The following RIMBP2 variants were observed in gnomAD, a reference collection of about 807,000 sequenced individuals.
The protein encoded by RIMBP2 is RIMS-binding protein 2.
In RIMBP2, 48 loss-of-function variants were observed where a neutral mutation model predicts 118.6. The ratio of observed to expected loss-of-function variants is 0.40; its 90% CI spans 0.32 to 0.51. RIMBP2 has a LOEUF of 0.51. RIMBP2 is among the 20% of genes least tolerant of loss of function. RIMBP2 has a pLI of 0.41. For synonymous variants in RIMBP2, 762 were observed against 742.9 expected (o/e 1.03, Z -0.42); for missense variants, 1,551 against 1,768.3 (o/e 0.88, Z 2.20).
At chr12:130,490,056 G>A (rs542232127) in intron 4 of RIMBP2, among the ~76,000 whole-genome samples, 140 of 150,628 alleles carry the variant, frequency 9.3e-4, no homozygotes, top group African/African-American at 3.1e-3. Context: ...CCCGGGAGGC[G>A]GAGGTTGCAG....
At chr12:130,433,655 A>T (rs1011073210) in intron 14 of RIMBP2, among the ~76,000 whole-genome samples, 2 of 152,146 alleles carry the variant, frequency 1.3e-5, no homozygotes, top group Admixed American at 6.6e-5. Flanking sequence ...GCTCAGCGAG[A>T]TGTCATAGAA....
chr12:130,548,287 T>C (rs1459268593), intron 2 of RIMBP2, among the ~76,000 whole-genome samples: 1 of 152,172 alleles, frequency 6.6e-6, no homozygotes, highest in East Asian at 1.9e-4. Flanking sequence ...CCCGTATCTC[T>C]CTAATTTCTC....
At chr12:130,548,263 C>G (rs770107578) in intron 2 of RIMBP2, among the ~76,000 whole-genome samples, 6 of 152,188 alleles carry the variant, frequency 3.9e-5, no homozygotes, top group Non-Finnish European at 7.3e-5. Context: ...AACTGAGGCA[C>G]AGAGTTCTGA....
At chr12:130,715,881 G>C (rs554095489) in intron 1 of RIMBP2, among the ~76,000 whole-genome samples, 49 of 152,188 alleles carry the variant, frequency 3.2e-4, no homozygotes, top group African/African-American at 1.1e-3. Context: ...TTGCCTGGAG[G>C]GGCCTTTCTT....
chr12:130,419,349 AG>A lies in RIMBP2; in HGVS notation c.3238+3103del, dbSNP rs2076282293. On this transcript the variant is annotated intron_variant, in intron 17 of 22. Transcript: ENST00000690449. This position sits in a 1 kb window ranked among gnomAD's most constrained non-coding sequence, Gnocchi z 4.3. ...GGGTGTGCATATCGTGTGGGAGATC[AG>A]GGCTCATGCCTGGACGCCTGGGTGG... Among the ~76,000 whole-genome samples the A allele has an allele frequency of 6.6e-6, 1 of 152,196 alleles. No homozygotes were observed. Among genetic ancestry groups the A allele is most frequent in the Non-Finnish European group, 1.5e-5 (1 of 68,044 alleles).
chr12:130,495,046 CTCT>C (rs58041118), intron 4 of RIMBP2, among the ~76,000 whole-genome samples: 63,115 of 151,906 alleles, frequency 0.42, 14,097 homozygotes, highest in East Asian at 0.74. Context: ...GTCTCTGTGC[CTCT>C]TCTTCTTATA....
chr12:130,543,333 C>T (rs2054781790), intron 2 of RIMBP2, among the ~76,000 whole-genome samples: 1 of 152,180 alleles, frequency 6.6e-6, no homozygotes, highest in Non-Finnish European at 1.5e-5. Context: ...CCAAATATGG[C>T]CACTTCTTTG....
intron 4 of RIMBP2, among the ~76,000 whole-genome samples, chr12:130,503,601 C>T (rs2050017218): frequency 1.3e-5 from 2 of 152,194 alleles, no homozygotes; most frequent in Non-Finnish European, 2.9e-5. Context: ...TGAAAATGTT[C>T]CTGACAACCA....
In RIMBP2 at chr12:130,683,012, G is replaced by T. The variant is rs183431774; in HGVS notation, c.-352+33210C>A. Among the ~76,000 whole-genome samples, 2 of 152,302 alleles carry T rather than the reference G, an allele frequency of 1.3e-5. No individual in the cohort carries two copies. Among genetic ancestry groups the T allele is most frequent in the East Asian group, 3.9e-4 (2 of 5,184 alleles). ...TCTAATTATGTCGGAGGCGCACTAT[G>T]TCTCATTCTTTTATCTTTAAGGTGA... On this transcript the variant is annotated intron_variant, in intron 1 of 22. Coordinates refer to ENST00000690449, the MANE Select transcript of RIMBP2 (RefSeq NM_001393629.1). The surrounding 1 kb of genome is among the most constrained non-coding windows in gnomAD (Gnocchi z 4.4).
At chr12:130,524,114 G>T in intron 2 of RIMBP2, among the ~76,000 whole-genome samples, 1 of 152,176 alleles carries the variant, frequency 6.6e-6, no homozygotes, top group East Asian at 1.9e-4. Context: ...CCCAGCCCTG[G>T]AGATGGACAC....
At chr12:130,504,505 G>A (rs1400021920) in intron 4 of RIMBP2, among the ~76,000 whole-genome samples, 6 of 152,064 alleles carry the variant, frequency 3.9e-5, no homozygotes, top group African/African-American at 1.2e-4. Context: ...ATGCTGCATC[G>A]CCGGCTTTGA....
chr12:130,465,026 T>C (rs2080330325), intron 6 of RIMBP2: 1 of 152,282 alleles, frequency 6.6e-6, no homozygotes. Flanking sequence ...TACTCATCTT[T>C]ATTCCACAAT....
At chr12:130,634,082 G>C (rs969127774) in intron 1 of RIMBP2, among the ~76,000 whole-genome samples, 1 of 152,188 alleles carries the variant, frequency 6.6e-6, no homozygotes, top group African/African-American at 2.4e-5. Flanking sequence ...AGCACCCAGC[G>C]TTCAGAGCCA....
intron 7 of RIMBP2, among the ~76,000 whole-genome samples, chr12:130,453,696 A>C (rs1199216502): frequency 2.0e-5 from 3 of 152,216 alleles, no homozygotes; most frequent in Non-Finnish European, 2.9e-5. Context: ...GGGGCTGTTG[A>C]TCGAAGGGCA....
chr12:130,557,993 G>A (rs1182287518), intron 2 of RIMBP2, among the ~76,000 whole-genome samples: 20 of 152,176 alleles, frequency 1.3e-4, no homozygotes, highest in Admixed American at 1.3e-3. Flanking sequence ...TCATTGTGTT[G>A]CAGAAGGAAA....
rs1268434479 is a variant in RIMBP2 at position 130,646,095 on chromosome 12, C to T, written c.-351-17639G>A. Among the ~76,000 whole-genome samples the T allele has an allele frequency of 4.3e-4, 51 of 119,536 alleles. 1 individual carries two copies. Among genetic ancestry groups the T allele is most frequent in the South Asian group, 2.6e-3 (10 of 3,876 alleles). 78.4% of individuals were successfully genotyped at this position (119,536 alleles called of 152,430 possible). ...TCCACCTCCCTCACCACTTCCCTCT[C>T]CACCTCCCTCTCCACCTCCCTCACC... On this transcript the variant is annotated intron_variant, in intron 1 of 22. Coordinates refer to ENST00000690449, the MANE Select transcript of RIMBP2 (RefSeq NM_001393629.1).
chr12:130,688,745 G>C lies in RIMBP2; in HGVS notation c.-352+27477C>G, dbSNP rs900555802. 2.0e-5 allele frequency among the ~76,000 whole-genome samples: 3 copies of C among 152,324 alleles called. No homozygotes were observed. In the South Asian group the frequency reaches 6.2e-4, roughly 32 times the overall value. On this transcript the variant is annotated intron_variant, in intron 1 of 22. Transcript: ENST00000690449. This position sits in a 1 kb window ranked among gnomAD's most constrained non-coding sequence, Gnocchi z 4.7. ...AAAACAGAGGCCACATGGCCCCCTTGGGGCTCATACAGAGACACAGAACCA... is the reference window on the plus strand; with the variant it reads ...AAAACAGAGGCCACATGGCCCCCTTCGGGCTCATACAGAGACACAGAACCA...
intron 2 of RIMBP2, among the ~76,000 whole-genome samples, chr12:130,609,449 C>A (rs1439108517): frequency 1.5e-5 from 2 of 130,104 alleles, no homozygotes; most frequent in East Asian, 3.9e-4. Flanking sequence ...GACCCCGACC[C>A]CCAGAGGAGA....
At position 130,693,384 on chromosome 12, in the gene RIMBP2, C is replaced by T. The variant is rs576906724; in HGVS notation, c.-352+22838G>A. 1.2e-4 allele frequency among the ~76,000 whole-genome samples: 18 copies of T among 151,010 alleles called. 1 individual carries two copies. The highest frequency in any genetic ancestry group is 6.8e-3 in the Middle Eastern group (2 of 294). ...TGCAGACAATCCCATGCTATCCTAA[C>T]GATGCCTGTGATGGGGGGTCGCCTT... On this transcript the variant is annotated intron_variant, in intron 1 of 22. Transcript: ENST00000690449.
Sources: gnomAD v4.1 joint callset for allele counts (sites outside exome capture counted in the v4.1 genomes callset) on GRCh38, gnomAD v4.1.1 for gene constraint, Gnocchi (gnomAD v3.1) non-coding constraint, MANE v1.5 for transcripts, NCBI Gene and HGNC (gene_info 2026-07-23, HGNC 2026-07-21) for gene names.